EPS8: variants seen among roughly 807,000 people sequenced by gnomAD.
The protein encoded by EPS8 is epidermal growth factor receptor kinase substrate 8.
EPS8 carries 42 observed loss-of-function variants against 103.8 expected under a neutral mutation model. The ratio of observed to expected loss-of-function variants is 0.40; its 90% CI spans 0.32 to 0.52. The LOEUF (loss-of-function observed/expected upper bound fraction) is 0.52, where lower values mean the gene tolerates loss of function less well. Ranked by LOEUF, EPS8 falls within the 20% of genes least tolerant of loss-of-function variation. The pLI is 0.40. For missense variants in EPS8, 969 were observed against 1,005.1 expected, an observed-to-expected ratio of 0.96 and a Z score of 0.49; for synonymous variants, 344 against 344.6, an observed-to-expected ratio of 1.00 and a Z score of 0.02.
At position 15,785,870 on chromosome 12, in the gene EPS8, T is replaced by C. The variant is rs1411132537; in HGVS notation, c.-22+3291A>G. 6.6e-6 allele frequency among the ~76,000 whole-genome samples: 1 copy of C among 151,988 alleles called. No homozygotes were observed. Among genetic ancestry groups the C allele is most frequent in the Non-Finnish European group, 1.5e-5 (1 of 67,912 alleles). On this transcript the variant is annotated intron_variant, in intron 1 of 20. Transcript: ENST00000281172. This position sits in a 1 kb window ranked among gnomAD's most constrained non-coding sequence, Gnocchi z 4.9. ...GGAGTCAAGCTGTAACAAAGTAGCATTGTATTATAACCCAAAATATTTAGA... is the reference window on the plus strand; with the variant it reads ...GGAGTCAAGCTGTAACAAAGTAGCACTGTATTATAACCCAAAATATTTAGA...
intron 17 of EPS8, among the ~76,000 whole-genome samples, chr12:15,638,274 T>C (rs1000151295): frequency 6.6e-6 from 1 of 152,110 alleles, no homozygotes; most frequent in Non-Finnish European, 1.5e-5. Flanking sequence ...TACTCTATTC[T>C]TTTTTTAAAG....
chr12:15,749,199 T>TA lies in EPS8; in HGVS notation c.-22+39961dup, dbSNP rs1009737970. On this transcript the variant is annotated intron_variant, in intron 1 of 20. Coordinates refer to ENST00000281172, the MANE Select transcript of EPS8 (RefSeq NM_004447.6). The surrounding 1 kb of genome is among the most constrained non-coding windows in gnomAD (Gnocchi z 4.0). ...AGGGCCAATATAGGAAACAAGTAAT[T>TA]AAAAAAAAATTTATTCTGGTTTCCA... Among the ~76,000 whole-genome samples, 26 of 151,914 alleles carry TA rather than the reference T, an allele frequency of 1.7e-4. 1 individual carries two copies. The highest frequency in any genetic ancestry group is 2.1e-4 in the South Asian group (1 of 4,808).
At chr12:15,765,516 A>G (rs1947084464) in intron 1 of EPS8, among the ~76,000 whole-genome samples, 1 of 152,194 alleles carries the variant, frequency 6.6e-6, no homozygotes, top group South Asian at 2.1e-4. Context: ...GAGAGAAGAA[A>G]GGATCAAGAA....
In EPS8 at chr12:15,734,759, C is replaced by T. The variant is rs769979688; in HGVS notation, c.-21-51787G>A. ...AAAAAAACAAAAAAGATTCTCTGCACGTAACTTTGTTAATTCCCATTTAAC... is the reference window on the plus strand; with the variant it reads ...AAAAAAACAAAAAAGATTCTCTGCATGTAACTTTGTTAATTCCCATTTAAC... On this transcript the variant is annotated intron_variant, in intron 1 of 20. Transcript: ENST00000281172. This position sits in a 1 kb window ranked among gnomAD's most constrained non-coding sequence, Gnocchi z 4.1. Among the ~76,000 whole-genome samples the T allele has an allele frequency of 6.6e-6, 1 of 152,166 alleles. No homozygotes were observed. The highest frequency in any genetic ancestry group is 6.5e-5 in the Admixed American group (1 of 15,276).
intron 17 of EPS8, among the ~76,000 whole-genome samples, chr12:15,634,036 TA>T (rs1383742843): frequency 6.6e-6 from 1 of 152,234 alleles, no homozygotes; most frequent in Non-Finnish European, 1.5e-5. Context: ...TATCTCAGTT[TA>T]CGTAATGTCT....
intron 1 of EPS8, among the ~76,000 whole-genome samples, chr12:15,685,881 T>C (rs1946087676): frequency 6.6e-6 from 1 of 152,246 alleles, no homozygotes; most frequent in South Asian, 2.1e-4. Flanking sequence ...GTTTTTATTT[T>C]TATAAACTGT....
intron 1 of EPS8, among the ~76,000 whole-genome samples, chr12:15,726,184 G>A (rs1362598182): frequency 6.6e-6 from 1 of 152,116 alleles, no homozygotes; most frequent in Non-Finnish European, 1.5e-5. Flanking sequence ...AGCTGACAAA[G>A]CAAGAAGGAT....
rs951982835 is a variant in EPS8, at chr12:15,698,581, G to A, written c.-21-15609C>T. Among the ~76,000 whole-genome samples the A allele has an allele frequency of 1.3e-5, 2 of 151,302 alleles. No individual in the cohort carries two copies. The highest frequency in any genetic ancestry group is 4.9e-5 in the African/African-American group (2 of 41,130). The stretch of plus-strand genomic sequence containing the variant: ...TTAAAAAAAAAAAAAAAATTTAGCT[G>A]CTAAGAAGCCCCAGGAATAGCACGT... On this transcript the variant is annotated intron_variant, in intron 1 of 20. Transcript: ENST00000281172. The surrounding 1 kb of genome is among the most constrained non-coding windows in gnomAD (Gnocchi z 4.9).
Position 15,698,391 on chromosome 12 carries a change from C to A in EPS8, c.-21-15419G>T, listed in dbSNP as rs1946268364. On this transcript the variant is annotated intron_variant, in intron 1 of 20. Coordinates refer to ENST00000281172, the MANE Select transcript of EPS8 (RefSeq NM_004447.6). This position sits in a 1 kb window ranked among gnomAD's most constrained non-coding sequence, Gnocchi z 4.9. Reference sequence around the variant, plus strand: ...AACGAGAACTACTCAAGGAAAAGAACAAGCAGTGTCAACTAGACTCCCCAA... The same window carrying A: ...AACGAGAACTACTCAAGGAAAAGAAAAAGCAGTGTCAACTAGACTCCCCAA... Among the ~76,000 whole-genome samples the A allele has an allele frequency of 6.6e-6, 1 of 152,134 alleles. No individual in the cohort carries two copies. The highest frequency in any genetic ancestry group is 2.1e-4 in the South Asian group (1 of 4,832).
intron 1 of EPS8, among the ~76,000 whole-genome samples, chr12:15,719,650 C>T (rs1355292786): frequency 6.6e-6 from 1 of 152,176 alleles, no homozygotes; most frequent in South Asian, 2.1e-4. Context: ...CTAGAGTTTG[C>T]CCAGGTGGCA....
At chr12:15,674,035 C>T (rs1945861053) in intron 3 of EPS8, among the ~76,000 whole-genome samples, 2 of 152,136 alleles carry the variant, frequency 1.3e-5, no homozygotes, top group Admixed American at 1.3e-4. Context: ...TTATCATACA[C>T]TATTGCAAAA....
chr12:15,681,896 C>A lies in EPS8; in HGVS notation c.60-594G>T, dbSNP rs77527472. 9.8e-3 allele frequency among the ~76,000 whole-genome samples: 1,489 copies of A among 151,882 alleles called. 28 individuals carry two copies. Among genetic ancestry groups the A allele is most frequent in the East Asian group, 0.037 (192 of 5,166 alleles). ...TTTCAGTGAACATTTTTGTAAGACC[C>A]AAAACCTAGAAGAATAAGGACTATG... is the stretch of plus-strand genomic sequence containing the variant. On this transcript the variant is annotated intron_variant, in intron 2 of 20. Transcript: ENST00000281172.
intron 15 of EPS8, 76 bp from the exon 16 acceptor site, chr12:15,641,906 G>T: frequency 1.6e-6 from 1 of 639,114 alleles, no homozygotes; most frequent in Non-Finnish European, 2.5e-6. Context: ...ACTGAGACAA[G>T]CCAAATCCTA....
chr12:15,626,382 G>A (rs773894613), intron 18 of EPS8, among the ~76,000 whole-genome samples: 10 of 152,082 alleles, frequency 6.6e-5, no homozygotes, highest in Non-Finnish European at 1.3e-4. Context: ...TGTAATCCAA[G>A]CACTTTGGGA....
chr12:15,729,158 C>T (rs181140389), intron 1 of EPS8, among the ~76,000 whole-genome samples: 3 of 152,232 alleles, frequency 2.0e-5, no homozygotes, highest in African/African-American at 7.2e-5. Flanking sequence ...AGTCACCCCC[C>T]GACCTGTCAA....
At chr12:15,651,313 T>G (rs1945410290) in intron 13 of EPS8, among the ~76,000 whole-genome samples, 1 of 152,208 alleles carries the variant, frequency 6.6e-6, no homozygotes, top group South Asian at 2.1e-4. Flanking sequence ...TTTAAAAATT[T>G]GTGTAAGAAG....
chr12:15,668,074 TA>T (rs1034180769), intron 6 of EPS8, among the ~76,000 whole-genome samples: 3 of 152,212 alleles, frequency 2.0e-5, no homozygotes, highest in Non-Finnish European at 2.9e-5. Context: ...AATTTCACTA[TA>T]TTTTTAAAGC....
rs1193917841 is a variant in EPS8, at chr12:15,682,881, T to C, written c.59+12A>G. The C allele has an allele frequency of 7.2e-7, 1 of 1,394,106 alleles. No homozygotes were observed. The highest frequency in any genetic ancestry group is 2.3e-5 in the East Asian group (1 of 43,178). The allele number at this position is 1,394,106 out of a possible 1,614,324, so 86.4% of individuals were successfully genotyped here. A position where few individuals can be genotyped will look rare whatever the true frequency, so the allele number is the denominator to read the frequency against. On this transcript the variant is annotated intron_variant, in intron 2 of 20. Transcript: ENST00000281172. ...CCCCCAAAACATATTAAATATAAAC[T>C]TTTCAACTTACTTCATCTGAGATGG...
Position 15,781,840 on chromosome 12 carries a change from AG to A in EPS8, c.-22+7320del, listed in dbSNP as rs1308948977. On this transcript the variant is annotated intron_variant, in intron 1 of 20. Transcript: ENST00000281172. This position sits in a 1 kb window ranked among gnomAD's most constrained non-coding sequence, Gnocchi z 4.1. Reference sequence around the variant, plus strand: ...ATCCCAGGACAACAGAGAGCATCACAGGGCAAGGGGGCTGAGTGTGCTCATG... The same window carrying A: ...ATCCCAGGACAACAGAGAGCATCACAGGCAAGGGGGCTGAGTGTGCTCATG... 1 of 152,316 alleles carries A rather than the reference AG, an allele frequency of 6.6e-6. No homozygotes were observed. Among genetic ancestry groups the A allele is most frequent in the Non-Finnish European group, 1.5e-5 (1 of 68,158 alleles). The allele number at this position is 152,316 out of a possible 1,614,324, so 9.4% of individuals were successfully genotyped here. A position where few individuals can be genotyped will look rare whatever the true frequency, so the allele number is the denominator to read the frequency against.
Sources: gnomAD v4.1 joint callset for allele counts (sites outside exome capture counted in the v4.1 genomes callset) on GRCh38, gnomAD v4.1.1 for gene constraint, Gnocchi (gnomAD v3.1) non-coding constraint, MANE v1.5 for transcripts, NCBI Gene and HGNC (gene_info 2026-07-23, HGNC 2026-07-21) for gene names.